The following HEATR5A variants were observed in gnomAD, a reference collection of about 807,000 sequenced individuals.
HEATR5A encodes the protein HEAT repeat containing 5A, also known as HEAT repeat-containing protein 5A.
In HEATR5A, 178 loss-of-function variants were observed where a neutral mutation model predicts 218.8. That is an observed-to-expected ratio of 0.81 (90% CI 0.72 to 0.92). The LOEUF (loss-of-function observed/expected upper bound fraction) is 0.92. HEATR5A is among the 40% of genes least tolerant of loss of function. The pLI is 0.00. For synonymous variants in HEATR5A, 864 were observed against 871.6 expected, an observed-to-expected ratio of 0.99 and a Z score of 0.15; for missense variants, 2,420 against 2,418.9, an observed-to-expected ratio of 1.00 and a Z score of -0.01.
At chr14:31,368,755 CCTCA>C (rs1191788920) in intron 13 of HEATR5A, among the ~76,000 whole-genome samples, 12 of 151,134 alleles carry the variant, frequency 7.9e-5, no homozygotes, top group African/African-American at 2.9e-4. Flanking sequence ...AGAGATGAGA[CCTCA>C]CTATGTTGCT....
intron 7 of HEATR5A, among the ~76,000 whole-genome samples, chr14:31,387,978 C>A (rs376593513): frequency 8.5e-5 from 13 of 152,280 alleles, no homozygotes; most frequent in African/African-American, 3.1e-4. Flanking sequence ...GTATCTGTGG[C>A]TTCTGTGAAC....
rs866961683 is a variant in HEATR5A at position 31,383,762 on chromosome 14, T to G, written c.1355A>C (p.Asp452Ala). The G allele has an allele frequency of 6.2e-7, 1 of 1,612,930 alleles. No homozygotes were observed. Among genetic ancestry groups the G allele is most frequent in the Middle Eastern group, 1.7e-4 (1 of 6,056 alleles). The change falls in exon 10 of 36, where the codon GAC becomes GCC. Residue 452 changes from aspartate to alanine, a missense_variant. Asp to Ala is a moderately radical substitution (Grantham distance 126, BLOSUM62 -2). Coordinates refer to ENST00000543095, the MANE Select transcript of HEATR5A (RefSeq NM_015473.4). ...ATGAAGAATAACTGACAAGATACTGTCAAGGAGACCTGGAAGGATAAACAA... is the reference window on the plus strand; with the variant it reads ...ATGAAGAATAACTGACAAGATACTGGCAAGGAGACCTGGAAGGATAAACAA... ...LLQDSSTGLL[D>A]SILSVILHPS...
At chr14:31,419,797 C>T (rs1014174258) in intron 1 of HEATR5A, among the ~76,000 whole-genome samples, 16 of 152,206 alleles carry the variant, frequency 1.1e-4, no homozygotes, top group African/African-American at 3.6e-4. Context: ...GAAATAACGC[C>T]GCGTTGGCCG....
chr14:31,342,230 G>GA (rs920987194), intron 21 of HEATR5A, among the ~76,000 whole-genome samples: 2 of 151,562 alleles, frequency 1.3e-5, no homozygotes, highest in Non-Finnish European at 2.9e-5. Context: ...CTACAAAAAA[G>GA]AAAAAAAATT....
At chr14:31,408,561 G>GA (rs2031159703) in intron 1 of HEATR5A, among the ~76,000 whole-genome samples, 1 of 151,788 alleles carries the variant, frequency 6.6e-6, no homozygotes, top group Admixed American at 6.6e-5. Context: ...TGAACTATAT[G>GA]AAACTGCCAT....
intron 24 of HEATR5A, among the ~76,000 whole-genome samples, chr14:31,322,608 C>T (rs1335657386): frequency 2.6e-5 from 4 of 151,858 alleles, no homozygotes; most frequent in Non-Finnish European, 5.9e-5. Flanking sequence ...CACTTAAGCC[C>T]AGAAGTTTGA....
At chr14:31,405,793 G>A (rs146068470) in intron 1 of HEATR5A, among the ~76,000 whole-genome samples, 171 of 152,274 alleles carry the variant, frequency 1.1e-3, no homozygotes, top group African/African-American at 3.7e-3. Flanking sequence ...ATCTGCTGAA[G>A]AGACATTTTT....
rs772363563 is a variant in HEATR5A, at chr14:31,388,941, C to A, written c.837G>T (p.Gly279=). ...GGAATCCTGAACTCCCACGTAGAAA[C>A]CCTGTTCCTAGTAATTCCAGAACTT... ...LEEVLELLGT[G]FLRGSSGFLR... Residue 279 remains glycine (G), a synonymous_variant, in exon 7 of 36, where the codon GGG becomes GGT. Transcript: ENST00000543095. 6.2e-7 allele frequency: 1 copy of A among 1,613,786 alleles called. No individual in the cohort carries two copies. Among genetic ancestry groups the A allele is most frequent in the South Asian group, 1.1e-5 (1 of 91,078 alleles).
intron 32 of HEATR5A, 121 bp from the exon 33 acceptor site, chr14:31,302,640 A>G: frequency 3.0e-6 from 2 of 670,566 alleles, no homozygotes; most frequent in Non-Finnish European, 5.0e-6. Flanking sequence ...GATTTCTAAT[A>G]AAGAATTATA....
intron 1 of HEATR5A, among the ~76,000 whole-genome samples, chr14:31,413,884 G>A (rs2031365133): frequency 1.3e-5 from 2 of 152,136 alleles, no homozygotes; most frequent in East Asian, 1.9e-4. Flanking sequence ...TACTAATACA[G>A]TTATTGCCAT....
At chr14:31,339,449 CAAAAAAAAAAAAA>C (rs55998911) in intron 21 of HEATR5A, among the ~76,000 whole-genome samples, 1 of 67,430 alleles carries the variant, frequency 1.5e-5, no homozygotes, top group African/African-American at 5.8e-5. Flanking sequence ...AACTGTGTCT[CAAAAAAAAAAAAA>C]AAAAAAAAAA....
chr14:31,390,097 T>C (rs996900712), intron 6 of HEATR5A, among the ~76,000 whole-genome samples: 1 of 152,044 alleles, frequency 6.6e-6, no homozygotes, highest in East Asian at 1.9e-4. Flanking sequence ...GGAGAAAAAG[T>C]GTTCTAGGCA....
In HEATR5A at chr14:31,402,900, T is replaced by C; in HGVS notation, c.76A>G (p.Ile26Val). The C allele has an allele frequency of 6.5e-7, 1 of 1,536,516 alleles. No individual in the cohort carries two copies. The change falls in exon 2 of 36, where the codon ATT becomes GTT. Residue 26 changes from isoleucine to valine, a missense_variant. Ile to Val is a conservative substitution (Grantham distance 29). Transcript: ENST00000543095. ...TCCAAGTATCTCAACCACTCAAAAA[T>C]AAACTCTGCCTTCTGAACTTCACCT... ...QLGEVQKAEF[I>V]FEWLRYLEKL...
At position 31,364,279 on chromosome 14, in the gene HEATR5A, T is replaced by C. The variant is rs963954528; in HGVS notation, c.1981A>G (p.Met661Val). 1 of 1,528,238 alleles carries C rather than the reference T, an allele frequency of 6.5e-7. No homozygotes were observed. Among genetic ancestry groups the C allele is most frequent in the East Asian group, 2.4e-5 (1 of 41,844 alleles). The allele number at this position is 1,528,238 out of a possible 1,614,324, so 94.7% of individuals were successfully genotyped here. A position where few individuals can be genotyped will look rare whatever the true frequency, so the allele number is the denominator to read the frequency against. Residue 661 changes from methionine (M) to valine (V), a missense_variant, in exon 14 of 36, where the codon ATG becomes GTG. Met to Val is a conservative substitution (Grantham distance 21). Transcript: ENST00000543095. ...GGTGTTTTCAAAGGACTTCCATACA[T>C]TTTTAGTATTGAAGAAAGCCTTAAA... ...LLTQLSSILKMYGSPLKTPSV... is the reference protein window; with the variant it reads ...LLTQLSSILKVYGSPLKTPSV...
At chr14:31,300,195 C>A (rs770653938) in intron 33 of HEATR5A, among the ~76,000 whole-genome samples, 14 of 152,178 alleles carry the variant, frequency 9.2e-5, no homozygotes, top group Non-Finnish European at 1.6e-4. Context: ...CCATCCAAAT[C>A]CACACCCCCT....
intron 11 of HEATR5A, among the ~76,000 whole-genome samples, chr14:31,379,144 C>T (rs1230350088): frequency 2.6e-5 from 4 of 151,054 alleles, no homozygotes; most frequent in Admixed American, 2.0e-4. Context: ...AAGATTTCAC[C>T]GTGTTGTTGG....
chr14:31,414,470 T>G (rs1169766861), intron 1 of HEATR5A, among the ~76,000 whole-genome samples: 1 of 152,130 alleles, frequency 6.6e-6, no homozygotes, highest in South Asian at 2.1e-4. Flanking sequence ...AAGCTAACAG[T>G]GATGAAAGAG....
chr14:31,317,684 A>C (rs1899957741), intron 26 of HEATR5A, among the ~76,000 whole-genome samples: 1 of 152,198 alleles, frequency 6.6e-6, no homozygotes, highest in Admixed American at 6.5e-5. Context: ...GTATATGAAA[A>C]AGTGCTCAAT....
chr14:31,404,549 T>C (rs2030989276), intron 1 of HEATR5A, among the ~76,000 whole-genome samples: 1 of 152,160 alleles, frequency 6.6e-6, no homozygotes, highest in South Asian at 2.1e-4. Context: ...TGGTTCCCTG[T>C]TGGTCAAGAC....
Sources: allele counts gnomAD v4.1 joint callset (sites outside exome capture counted in the v4.1 genomes callset), GRCh38; gene constraint gnomAD v4.1.1; transcripts MANE v1.5; gene names NCBI Gene and HGNC (gene_info 2026-07-23, HGNC 2026-07-21).